The following CHPT1 variants were observed in gnomAD, a reference collection of about 807,000 sequenced individuals.
The protein encoded by CHPT1 is choline phosphotransferase 1, also known as cholinephosphotransferase 1.
CHPT1 carries 36 observed loss-of-function variants against 47.6 expected under a neutral mutation model. That is an observed-to-expected ratio of 0.76 (90% CI 0.58 to 1.00). The LOEUF (loss-of-function observed/expected upper bound fraction) is 1.00, where lower values mean the gene tolerates loss of function less well. Ranked by LOEUF, CHPT1 falls within the 50% of genes least tolerant of loss-of-function variation. The probability of loss-of-function intolerance (pLI) is 0.00; values close to 1 mark genes in which losing one functional copy is unlikely to be tolerated. For missense variants in CHPT1, 458 were observed against 498.1 expected (o/e 0.92, Z 0.77); for synonymous variants, 194 against 186.3 (o/e 1.04, Z -0.33).
chr12:101,709,388 CAAA>C (rs544323245), intron 1 of CHPT1, among the ~76,000 whole-genome samples: 16 of 71,424 alleles, frequency 2.2e-4, no homozygotes, highest in Admixed American at 3.3e-4. Flanking sequence ...AGACCTGTGT[CAAA>C]AAAAAAAAAA....
rs1160230786 is a variant in CHPT1 at position 101,714,539 on chromosome 12, T to C, written c.457T>C (p.Leu153=). 4 of 1,611,948 alleles carry C rather than the reference T, an allele frequency of 2.5e-6. No individual in the cohort carries two copies. Among genetic ancestry groups the C allele is most frequent in the African/African-American group, 1.3e-5 (1 of 74,842 alleles). ...AGTGGGAGCTTCAATTGCCGCTCGC[T>C]TAGGAACTTATCCTGACTGGTTTTT... ...MAVGASIAAR[L]GTYPDWFFFC... is the part of the protein sequence containing the mutation. Residue 153 remains leucine, a synonymous_variant, in exon 3 of 9, where the codon TTA becomes CTA. Transcript: ENST00000229266.
At chr12:101,714,844 A>T in intron 3 of CHPT1, 199 bp downstream of exon 3, 1 of 423,506 alleles carries the variant, frequency 2.4e-6, no homozygotes, top group Non-Finnish European at 4.0e-6. Context: ...TTTGATAATA[A>T]TTTTATTTTT....
chr12:101,707,620 C>A lies in CHPT1; in HGVS notation c.274-6470C>A, dbSNP rs541135762. ...AATGTAGGGGTGAGTGAGAAAGACA[C>A]AATCCTTGCCCTCTCTGTGCTTTAA... On this transcript the variant is annotated intron_variant, in intron 1 of 8. Transcript: ENST00000229266. Among the ~76,000 whole-genome samples, 3 of 152,184 alleles carry A rather than the reference C, an allele frequency of 2.0e-5. No homozygotes were observed. The South Asian group carries it at 6.2e-4, about 31-fold the overall frequency.
chr12:101,711,519 G>T (rs1377568454), intron 1 of CHPT1, among the ~76,000 whole-genome samples: 1 of 148,138 alleles, frequency 6.8e-6, no homozygotes, highest in Admixed American at 6.9e-5. Flanking sequence ...GTTATCAGGA[G>T]CAGAGGGGCA....
At chr12:101,714,794 A>AGGT in intron 3 of CHPT1, 149 bp downstream of exon 3, 4 of 652,888 alleles carry the variant, frequency 6.1e-6, no homozygotes, top group Non-Finnish European at 7.1e-6. Flanking sequence ...CTACACCTTA[A>AGGT]GTCTTTTAGG....
chr12:101,718,513 A>G (rs1134165), intron 4 of CHPT1, among the ~76,000 whole-genome samples: 1 of 152,050 alleles, frequency 6.6e-6, no homozygotes, highest in Non-Finnish European at 1.5e-5. Context: ...GTAAAACTTT[A>G]GCCAGGCATG....
intron 4 of CHPT1, among the ~76,000 whole-genome samples, chr12:101,718,801 C>T (rs1226179125): frequency 1.3e-5 from 2 of 151,802 alleles, no homozygotes; most frequent in Non-Finnish European, 2.9e-5. Flanking sequence ...ATTCATATTC[C>T]CTCTCATCAT....
At chr12:101,716,010 A>G (rs1446729612) in intron 3 of CHPT1, among the ~76,000 whole-genome samples, 2 of 152,180 alleles carry the variant, frequency 1.3e-5, no homozygotes, top group Non-Finnish European at 2.9e-5. Flanking sequence ...ACCTTAAACA[A>G]TTTTAGTAGA....
Position 101,723,344 on chromosome 12 carries a change from T to A in CHPT1, c.939+18T>A. ...AATTAGTGGTAAGAAATTTTTATTA[T>A]TCATGATATAAATAATATACTTAGT... On this transcript the variant is annotated intron_variant, in intron 6 of 8. Transcript: ENST00000229266. 7.0e-7 allele frequency: 1 copy of A among 1,424,508 alleles called. No individual in the cohort carries two copies. The highest frequency in any genetic ancestry group is 9.7e-7 in the Non-Finnish European group (1 of 1,027,640). The allele number at this position is 1,424,508 out of a possible 1,614,324, so 88.2% of individuals were successfully genotyped here. A position where few individuals can be genotyped will look rare whatever the true frequency, so the allele number is the denominator to read the frequency against.
intron 5 of CHPT1, among the ~76,000 whole-genome samples, chr12:101,722,707 TAAA>T (rs10605402): frequency 0.36 from 40,820 of 113,660 alleles, 5,863 homozygotes; most frequent in East Asian, 0.47. Context: ...CACAAAAAAT[TAAA>T]AAAAAAAAAA....
chr12:101,716,813 G>A lies in CHPT1; in HGVS notation c.648+1G>A, dbSNP rs758168629. On this transcript the variant is annotated splice_donor_variant, in intron 4 of 8. Transcript: ENST00000229266. LOFTEE classifies it high-confidence loss of function. ...AGGAGCAACAATGTGGGACTATACGGTAAATCTGAATATTTAAATTTATAT... is the reference window on the plus strand; with the variant it reads ...AGGAGCAACAATGTGGGACTATACGATAAATCTGAATATTTAAATTTATAT... 2 of 1,535,978 alleles carry A rather than the reference G, an allele frequency of 1.3e-6. No homozygotes were observed. Among genetic ancestry groups the A allele is most frequent in the Admixed American group, 1.9e-5 (1 of 52,114 alleles).
Position 101,698,091 on chromosome 12 carries a change from C to CCACGCTCGTGCTCAT in CHPT1, c.232_246dup (p.Thr78_Ile82dup). Reference sequence around the variant, plus strand: ...CTGGGGCTCGCCGTCAACGTGGTCACCACGCTCGTGCTCATCTCCTACTGT... The same window carrying CCACGCTCGTGCTCAT: ...CTGGGGCTCGCCGTCAACGTGGTCACCACGCTCGTGCTCATCACGCTCGTGCTCATCTCCTACTGT... On this transcript the variant is annotated inframe_insertion, in exon 1 of 9. Transcript: ENST00000229266. 6.4e-7 allele frequency: 1 copy of CCACGCTCGTGCTCAT among 1,562,942 alleles called. No homozygotes were observed. Among genetic ancestry groups the CCACGCTCGTGCTCAT allele is most frequent in the Non-Finnish European group, 8.6e-7 (1 of 1,162,714 alleles).
rs144013352 is a variant in CHPT1 at position 101,716,097 on chromosome 12, A to G, written c.564-631A>G. ...GAGGAGAAAATTACAAATGTTGACT[A>G]ATTTTCAGTGAGCCTATTCGTGGAG... On this transcript the variant is annotated intron_variant, in intron 3 of 8. Transcript: ENST00000229266. Among the ~76,000 whole-genome samples the G allele has an allele frequency of 3.4e-3, 524 of 152,310 alleles. 4 individuals carry two copies. The highest frequency in any genetic ancestry group is 0.012 in the African/African-American group (496 of 41,588).
chr12:101,709,928 T>TGA (rs1951684146), intron 1 of CHPT1, among the ~76,000 whole-genome samples: 1 of 149,024 alleles, frequency 6.7e-6, no homozygotes, highest in Non-Finnish European at 1.5e-5. Context: ...CCAGCCTAAG[T>TGA]GCTTGCCTTG....
Position 101,707,793 on chromosome 12 carries a change from G to C in CHPT1, c.274-6297G>C, listed in dbSNP as rs150341439. Among the ~76,000 whole-genome samples the C allele has an allele frequency of 2.3e-3, 344 of 152,300 alleles. 1 individual carries two copies. The highest frequency in any genetic ancestry group is 3.7e-3 in the Non-Finnish European group (251 of 68,030). ...GAAGGTACTAGTGCTGTTTCTCAGT[G>C]AGTTACAGGGTTGTGGGCAAGGAAG... On this transcript the variant is annotated intron_variant, in intron 1 of 8. Transcript: ENST00000229266.
intron 1 of CHPT1, among the ~76,000 whole-genome samples, chr12:101,701,399 G>A (rs1951552756): frequency 6.6e-6 from 1 of 152,040 alleles, no homozygotes; most frequent in Non-Finnish European, 1.5e-5. Flanking sequence ...ACTTTTACTG[G>A]ATTTTTACTG....
chr12:101,720,067 T>C (rs531942117), intron 4 of CHPT1, 56 bp from the exon 5 acceptor site: 1 of 1,300,526 alleles, frequency 7.7e-7, no homozygotes, highest in African/African-American at 1.5e-5. Flanking sequence ...TCTTTATTAT[T>C]TAATAAAAAA....
intron 4 of CHPT1, among the ~76,000 whole-genome samples, chr12:101,717,769 CCTT>C (rs1314143391): frequency 6.6e-6 from 1 of 152,106 alleles, no homozygotes; most frequent in Non-Finnish European, 1.5e-5. Flanking sequence ...CAGTCACACT[CCTT>C]GTTATTTACC....
chr12:101,704,317 T>C (rs988717665), intron 1 of CHPT1, among the ~76,000 whole-genome samples: 2 of 152,126 alleles, frequency 1.3e-5, no homozygotes, highest in Non-Finnish European at 2.9e-5. Flanking sequence ...TTTTTCTTTA[T>C]GTCAACTTTA....
Sources: allele counts gnomAD v4.1 joint callset (sites outside exome capture counted in the v4.1 genomes callset), GRCh38; gene constraint gnomAD v4.1.1; transcripts MANE v1.5; gene names NCBI Gene and HGNC (gene_info 2026-07-23, HGNC 2026-07-21).